The following PHF24 variants were observed in gnomAD, a reference collection of about 807,000 sequenced individuals.
The protein encoded by PHF24 is PHD finger protein 24.
PHF24 carries 25 observed loss-of-function variants against 42.6 expected under a neutral mutation model. That is an observed-to-expected ratio of 0.59 (90% CI 0.43 to 0.82). The LOEUF is 0.82. PHF24 is among the 40% of genes least tolerant of loss of function. The probability of loss-of-function intolerance (pLI) is 0.00; values close to 1 mark genes in which losing one functional copy is unlikely to be tolerated. For missense variants in PHF24, 470 were observed against 538.1 expected, an observed-to-expected ratio of 0.87 and a Z score of 1.25; for synonymous variants, 185 against 204.8, an observed-to-expected ratio of 0.90 and a Z score of 0.83.
At chr9:34,832,428 G>C in the PHF24 span, 1 of 1,360,632 alleles carries the variant, frequency 7.3e-7, no homozygotes. Flanking sequence ...TAGGGACTGG[G>C]GACCATCCAA....
At chr9:34,724,116 G>C in the PHF24 span, 1 of 1,530,432 alleles carries the variant, frequency 6.5e-7, no homozygotes, top group African/African-American at 1.4e-5. Flanking sequence ...GCTAGCATGG[G>C]GACATGGGCT....
chr9:34,726,956 C>G, the PHF24 span: 1 of 1,550,942 alleles, frequency 6.4e-7, no homozygotes. Flanking sequence ...CAGGATTCGC[C>G]GCACACTTCT....
the PHF24 span, among the ~76,000 whole-genome samples, chr9:34,936,941 G>T: frequency 7.1e-6 from 1 of 140,870 alleles, no homozygotes; most frequent in Non-Finnish European, 1.5e-5. Context: ...AGTGAGGAGC[G>T]TCTCCACCCG....
At chr9:34,823,912 T>C in the PHF24 span, among the ~76,000 whole-genome samples, 1 of 152,166 alleles carries the variant, frequency 6.6e-6, no homozygotes, top group Non-Finnish European at 1.5e-5. Flanking sequence ...ACTGTGCTTA[T>C]TCACATCTAC....
chr9:34,968,927 T>A (rs578107778), intron 1 of PHF24, among the ~76,000 whole-genome samples: 5 of 152,334 alleles, frequency 3.3e-5, no homozygotes, highest in African/African-American at 1.2e-4. Context: ...AAGGGCATGG[T>A]GCTGTGAGCA....
the PHF24 span, among the ~76,000 whole-genome samples, chr9:34,819,926 C>T: frequency 1.3e-5 from 2 of 152,000 alleles, no homozygotes; most frequent in South Asian, 2.1e-4. Context: ...TGGATTCATC[C>T]TTGCAATTCT....
chr9:34,823,265 G>A, the PHF24 span, among the ~76,000 whole-genome samples: 1 of 151,322 alleles, frequency 6.6e-6, no homozygotes, highest in Non-Finnish European at 1.5e-5. Context: ...TGCTCACCTA[G>A]GGAAGGGACT....
At chr9:34,844,206 G>T in the PHF24 span, among the ~76,000 whole-genome samples, 1 of 151,884 alleles carries the variant, frequency 6.6e-6, no homozygotes, top group Admixed American at 6.6e-5. Context: ...TGTAACTAAA[G>T]ATTTGTCAAT....
At chr9:34,895,624 C>CT in the PHF24 span, 2 of 399,768 alleles carry the variant, frequency 5.0e-6, no homozygotes, top group Non-Finnish European at 8.8e-6. Flanking sequence ...TTTGGCAGCT[C>CT]TTTTTCACTT....
the PHF24 span, chr9:34,690,486 G>T: frequency 1.3e-6 from 1 of 760,116 alleles, no homozygotes; most frequent in Non-Finnish European, 2.1e-6. Flanking sequence ...GGGTCGGGGA[G>T]GAGTTAGACC....
At chr9:34,794,708 A>G in the PHF24 span, among the ~76,000 whole-genome samples, 1 of 152,232 alleles carries the variant, frequency 6.6e-6, no homozygotes, top group Non-Finnish European at 1.5e-5. Context: ...ACTCTAGAGC[A>G]CAATAAAGAA....
At chr9:34,798,272 T>C in the PHF24 span, among the ~76,000 whole-genome samples, 6 of 152,344 alleles carry the variant, frequency 3.9e-5, no homozygotes, top group South Asian at 1.2e-3. Flanking sequence ...CAAGAGTACA[T>C]TGTGTGATGC....
the PHF24 span, among the ~76,000 whole-genome samples, chr9:34,818,297 G>C: frequency 1.3e-5 from 2 of 152,300 alleles, no homozygotes; most frequent in Admixed American, 6.5e-5. Flanking sequence ...CACTGAATAT[G>C]ATATTAGCTG....
At chr9:34,669,626 T>TGAGTGTGTGTGGATCTGTAG in the PHF24 span, among the ~76,000 whole-genome samples, 1 of 151,694 alleles carries the variant, frequency 6.6e-6, no homozygotes, top group Non-Finnish European at 1.5e-5. Flanking sequence ...TGAGGGTCCA[T>TGAGTGTGTGTGGATCTGTAG]GAGTGTGTGT....
At chr9:34,919,922 T>A in the PHF24 span, among the ~76,000 whole-genome samples, 1 of 152,214 alleles carries the variant, frequency 6.6e-6, no homozygotes, top group Non-Finnish European at 1.5e-5. Flanking sequence ...ATTGTGTATA[T>A]GTGCCAACAT....
At chr9:34,868,969 C>T in the PHF24 span, among the ~76,000 whole-genome samples, 2 of 152,178 alleles carry the variant, frequency 1.3e-5, no homozygotes, top group South Asian at 2.1e-4. Context: ...CATGTGTTAT[C>T]GTTCAGCTCC....
the PHF24 span, among the ~76,000 whole-genome samples, chr9:34,849,216 T>G: frequency 6.6e-6 from 1 of 152,028 alleles, no homozygotes; most frequent in Non-Finnish European, 1.5e-5. Flanking sequence ...AAGTCTCCCA[T>G]TATTATTGTG....
the PHF24 span, chr9:34,724,907 C>T: frequency 2.1e-5 from 32 of 1,550,306 alleles, no homozygotes; most frequent in African/African-American, 5.5e-5. Context: ...ATGCTTGTGC[C>T]GTAAAGTTGT....
At chr9:34,820,683 C>T in the PHF24 span, among the ~76,000 whole-genome samples, 1 of 152,004 alleles carries the variant, frequency 6.6e-6, no homozygotes, top group South Asian at 2.1e-4. Flanking sequence ...GTGAATACTA[C>T]TGTGATTAAT....
Sources: gnomAD v4.1 joint callset for allele counts (sites outside exome capture counted in the v4.1 genomes callset) on GRCh38, gnomAD v4.1.1 for gene constraint, MANE v1.5 for transcripts, NCBI Gene and HGNC (gene_info 2026-07-23, HGNC 2026-07-21) for gene names.